The following FREM2 variants were observed in gnomAD, a reference collection of about 807,000 sequenced individuals.
FREM2 encodes FRAS1 related extracellular matrix 2.
A neutral mutation model predicts 219.9 loss-of-function variants in FREM2; 119 were observed. The ratio of observed to expected loss-of-function variants is 0.54; its 90% CI spans 0.47 to 0.63. FREM2 has a LOEUF of 0.63. Ranked by LOEUF, FREM2 falls within the 30% of genes least tolerant of loss-of-function variation. The probability of loss-of-function intolerance (pLI) is 0.00; values close to 1 mark genes in which losing one functional copy is unlikely to be tolerated. For synonymous variants in FREM2, 1,562 were observed against 1,522.8 expected, an observed-to-expected ratio of 1.03 and a Z score of -0.60; for missense variants, 4,030 against 3,993.6, an observed-to-expected ratio of 1.01 and a Z score of -0.25.
In FREM2 at chr13:38,689,303, G is replaced by T. The variant is rs1869685608; in HGVS notation, c.1959G>T (p.Leu653=). The T allele has an allele frequency of 2.5e-6, 4 of 1,614,146 alleles. No individual in the cohort carries two copies. The African/African-American group carries it at 4.0e-5, about 16-fold the overall frequency. Residue 653 remains leucine (L), a synonymous_variant, in exon 1 of 24, where the codon CTG becomes CTT. Transcript: ENST00000280481. ...WQQQDITEGR[L]FYRHSGPHSP... ...AGCAGGACATAACAGAGGGCAGGCT[G>T]TTCTATAGACACTCTGGGCCCCATA...
intron 13 of FREM2, among the ~76,000 whole-genome samples, chr13:38,858,234 G>A (rs1318188351): frequency 1.3e-5 from 2 of 152,160 alleles, no homozygotes; most frequent in East Asian, 3.8e-4. Flanking sequence ...TTCATTAACT[G>A]ATGTGTACAT....
In FREM2 at chr13:38,711,557, A is replaced by G. The variant is rs147915325; in HGVS notation, c.5263+13770A>G. ...GAAAACCATGTGTTATAGAGTCCTT[A>G]GAATTATGGATACCATATAGCATTT... is the stretch of plus-strand genomic sequence containing the variant. On this transcript the variant is annotated intron_variant, in intron 2 of 23. Transcript: ENST00000280481. Among the ~76,000 whole-genome samples, 301 of 152,324 alleles carry G rather than the reference A, an allele frequency of 2.0e-3. 3 individuals are homozygous for G. Among genetic ancestry groups the G allele is most frequent in the Middle Eastern group, 0.01 (3 of 292 alleles).
At chr13:38,714,461 G>T (rs542353381) in intron 2 of FREM2, among the ~76,000 whole-genome samples, 1 of 152,264 alleles carries the variant, frequency 6.6e-6, no homozygotes, top group South Asian at 2.1e-4. Context: ...CTGAGCAAAG[G>T]TTGGGGGAGG....
rs1196214187 is a variant in FREM2 at position 38,878,307 on chromosome 13, A to G, written c.8845A>G (p.Arg2949Gly). 3.1e-6 allele frequency: 5 copies of G among 1,613,038 alleles called. No homozygotes were observed. The highest frequency in any genetic ancestry group is 1.7e-5 in the Admixed American group (1 of 59,836). Residue 2949 changes from arginine to glycine, a missense_variant, in exon 22 of 24, where the codon AGA becomes GGA. By Grantham distance (125) the Arg-to-Gly change is moderately radical (BLOSUM62 -2). This residue lies in a region of FREM2 where 928 missense variants were observed against 1,042.9 expected (regional missense o/e 0.89). Coordinates refer to ENST00000280481, the MANE Select transcript of FREM2 (RefSeq NM_207361.6). ...AGCCGACTCTCCTTCACTCTTATAT[A>G]GATTTAAAATTGTGGTAAGTGCTTT... ...CLADSPSLLY[R>G]FKIVDKAQPE...
intron 2 of FREM2, among the ~76,000 whole-genome samples, chr13:38,716,448 T>C (rs1477918914): frequency 6.6e-6 from 1 of 152,172 alleles, no homozygotes; most frequent in Non-Finnish European, 1.5e-5. Context: ...CCTATATCTT[T>C]CTTTCCCATT....
chr13:38,772,025 C>T (rs959300778), intron 4 of FREM2, among the ~76,000 whole-genome samples: 3 of 151,982 alleles, frequency 2.0e-5, no homozygotes, highest in Non-Finnish European at 4.4e-5. Context: ...CACTTTTCCC[C>T]CCATTTAAAA....
At chr13:38,802,606 C>T (rs1875059841) in intron 6 of FREM2, among the ~76,000 whole-genome samples, 1 of 152,166 alleles carries the variant, frequency 6.6e-6, no homozygotes, top group African/African-American at 2.4e-5. Context: ...TGAAGATGCT[C>T]AGCCTGTCTC....
At chr13:38,844,898 T>G (rs188679871) in intron 6 of FREM2, among the ~76,000 whole-genome samples, 18 of 152,340 alleles carry the variant, frequency 1.2e-4, no homozygotes, top group Admixed American at 1.0e-3. Context: ...TTCACCTTTG[T>G]GCCCTACCTC....
intron 6 of FREM2, among the ~76,000 whole-genome samples, chr13:38,842,017 A>G (rs1876981891): frequency 6.6e-6 from 1 of 152,148 alleles, no homozygotes; most frequent in Non-Finnish European, 1.5e-5. Flanking sequence ...TGACTTCTCA[A>G]CAGAGGCCTG....
At chr13:38,759,186 A>T (rs1409437317) in intron 2 of FREM2, among the ~76,000 whole-genome samples, 1 of 152,200 alleles carries the variant, frequency 6.6e-6, no homozygotes, top group African/African-American at 2.4e-5. Flanking sequence ...TTGATTTTCA[A>T]TTCAGCTTTG....
intron 2 of FREM2, among the ~76,000 whole-genome samples, chr13:38,728,061 A>G (rs1290036498): frequency 6.6e-6 from 1 of 152,200 alleles, no homozygotes; most frequent in East Asian, 1.9e-4. Context: ...ACAAGTAGAC[A>G]TTTAGGATAT....
chr13:38,849,598 A>G (rs994767933), intron 8 of FREM2, among the ~76,000 whole-genome samples: 2 of 152,190 alleles, frequency 1.3e-5, no homozygotes, highest in African/African-American at 4.8e-5. Context: ...AATGAGCCCT[A>G]TACGTAATTA....
At position 38,755,859 on chromosome 13, in the gene FREM2, C is replaced by T. The variant is rs538330323; in HGVS notation, c.5264-8445C>T. ...ATTCATTCCATGCATATCACTTTCC[C>T]GTAGGCTAACAACAATCCTACAGAT... On this transcript the variant is annotated intron_variant, in intron 2 of 23. Coordinates refer to ENST00000280481, the MANE Select transcript of FREM2 (RefSeq NM_207361.6). 2.6e-5 allele frequency among the ~76,000 whole-genome samples: 4 copies of T among 152,254 alleles called. No homozygotes were observed. The South Asian group carries it at 8.3e-4, about 32-fold the overall frequency.
At chr13:38,700,535 C>T (rs1870301795) in intron 2 of FREM2, among the ~76,000 whole-genome samples, 1 of 152,046 alleles carries the variant, frequency 6.6e-6, no homozygotes, top group Non-Finnish European at 1.5e-5. Flanking sequence ...AATTAGATTT[C>T]AAACCTTCTA....
intron 5 of FREM2, among the ~76,000 whole-genome samples, chr13:38,783,585 T>C (rs904645664): frequency 6.6e-6 from 1 of 151,958 alleles, no homozygotes; most frequent in African/African-American, 2.4e-5. Flanking sequence ...TTTGTTTTGC[T>C]CATGAGCAAA....
intron 2 of FREM2, among the ~76,000 whole-genome samples, chr13:38,762,195 C>T (rs1873252207): frequency 6.6e-6 from 1 of 152,120 alleles, no homozygotes. Flanking sequence ...TCACCTGACT[C>T]TCCAGAAAAG....
rs761989150 is a variant in FREM2, at chr13:38,864,309, C to T, written c.7686C>T (p.Ser2562=). 2 of 1,614,146 alleles carry T rather than the reference C, an allele frequency of 1.2e-6. No individual in the cohort carries two copies. Among genetic ancestry groups the T allele is most frequent in the Non-Finnish European group, 1.7e-6 (2 of 1,179,996 alleles). The stretch of plus-strand genomic sequence containing the variant: ...CCGTGATCTCCACTAGAGAGCTTTC[C>T]AACTTTGAGCTCACCCTCAGCCCTG... ...MLPVISTREL[S]NFELTLSPDG... is the part of the protein sequence containing the mutation. The change falls in exon 16 of 24, where the codon TCC becomes TCT. Residue 2562 remains serine (S), a synonymous_variant. Coordinates refer to ENST00000280481, the MANE Select transcript of FREM2 (RefSeq NM_207361.6).
chr13:38,795,970 G>A (rs768835400), intron 6 of FREM2, among the ~76,000 whole-genome samples: 4 of 151,954 alleles, frequency 2.6e-5, no homozygotes, highest in Admixed American at 6.6e-5. Flanking sequence ...GTGTATACAC[G>A]ATAGTTTTCT....
chr13:38,835,335 G>C (rs941373396), intron 6 of FREM2, among the ~76,000 whole-genome samples: 10 of 152,312 alleles, frequency 6.6e-5, no homozygotes, highest in African/African-American at 1.7e-4. Flanking sequence ...GCATCATGCT[G>C]TTTTTGTTGC....
Sources: allele counts gnomAD v4.1 joint callset (sites outside exome capture counted in the v4.1 genomes callset), GRCh38; gene constraint gnomAD v4.1.1; regional missense constraint gnomAD v4.1.1; transcripts MANE v1.5; gene names NCBI Gene and HGNC (gene_info 2026-07-23, HGNC 2026-07-21).